COMMD1: variants seen among roughly 807,000 people sequenced by gnomAD.
COMMD1 encodes the protein COMM domain-containing protein 1.
COMMD1 carries 10 observed loss-of-function variants against 17.2 expected under a neutral mutation model. The ratio of observed to expected loss-of-function variants is 0.58; its 90% confidence interval spans 0.36 to 0.99. The LOEUF (loss-of-function observed/expected upper bound fraction) is 0.99, where lower values mean the gene tolerates loss of function less well. Among genes scored for constraint, COMMD1 ranks in the 50% least tolerant of loss-of-function variants. The pLI is 0.01. For synonymous variants in COMMD1, 97 were observed against 91.6 expected (o/e 1.06, Z -0.34); for missense variants, 270 against 231.8 (o/e 1.17, Z -1.07).
chr2:61,888,889 TC>T (rs1195944010), intron 1 of COMMD1: 76 of 172,192 alleles, frequency 4.4e-4, no homozygotes, highest in African/African-American at 1.9e-3. Context: ...GGCTATGAGG[TC>T]CCCTCCTTTT....
intron 2 of COMMD1, among the ~76,000 whole-genome samples, chr2:62,126,856 A>C (rs1480647797): frequency 6.6e-6 from 1 of 152,182 alleles, no homozygotes; most frequent in African/African-American, 2.4e-5. Context: ...CCTATTCAAC[A>C]TAGTATTGAA....
chr2:62,128,326 TAAAAAAAAGA>T (rs904057581), intron 2 of COMMD1, among the ~76,000 whole-genome samples: 2 of 112,364 alleles, frequency 1.8e-5, no homozygotes, highest in African/African-American at 6.4e-5. Flanking sequence ...AGACTCTGTC[TAAAAAAAAGA>T]AAAAAAAAAA....
At chr2:62,123,882 T>C (rs1356414564) in intron 2 of COMMD1, among the ~76,000 whole-genome samples, 2 of 151,948 alleles carry the variant, frequency 1.3e-5, no homozygotes, top group Non-Finnish European at 2.9e-5. Flanking sequence ...GTTTAAAACA[T>C]AACCTAGGCT....
At chr2:61,969,726 G>A (rs537225208) in intron 1 of COMMD1, among the ~76,000 whole-genome samples, 7 of 152,234 alleles carry the variant, frequency 4.6e-5, no homozygotes, top group South Asian at 4.2e-4. Context: ...ATAGCTTTCT[G>A]ATATTCTTAA....
intron 2 of COMMD1, among the ~76,000 whole-genome samples, chr2:62,054,911 C>G (rs1275569628): frequency 6.6e-6 from 1 of 152,168 alleles, no homozygotes; most frequent in Non-Finnish European, 1.5e-5. Context: ...CTATTGTGAA[C>G]TGTGCATGCA....
At chr2:62,068,540 G>A (rs139916642) in intron 2 of COMMD1, among the ~76,000 whole-genome samples, 2 of 151,064 alleles carry the variant, frequency 1.3e-5, no homozygotes, top group African/African-American at 4.9e-5. Flanking sequence ...TACAAGGATA[G>A]TAGTTACCTC....
At chr2:62,031,968 T>A (rs1410165986) in intron 2 of COMMD1, among the ~76,000 whole-genome samples, 1 of 152,234 alleles carries the variant, frequency 6.6e-6, no homozygotes, top group African/African-American at 2.4e-5. Context: ...AATGCTCTTT[T>A]CTGCTACATT....
chr2:61,930,573 AAAT>A (rs1670435947), intron 1 of COMMD1, among the ~76,000 whole-genome samples: 2 of 151,828 alleles, frequency 1.3e-5, no homozygotes, highest in African/African-American at 2.4e-5. Flanking sequence ...AAATAATAAA[AAAT>A]AATGAGACTT....
intron 2 of COMMD1, among the ~76,000 whole-genome samples, chr2:62,135,189 AG>A (rs1222508376): frequency 2.6e-5 from 4 of 152,186 alleles, no homozygotes; most frequent in Non-Finnish European, 5.9e-5. Context: ...TTTGTGCCTC[AG>A]GGTCCTCATT....
chr2:62,001,307 A>G (rs1228751575), intron 2 of COMMD1, among the ~76,000 whole-genome samples: 1 of 152,222 alleles, frequency 6.6e-6, no homozygotes, highest in Non-Finnish European at 1.5e-5. Context: ...AATGATAGAG[A>G]TAATAAATAA....
At position 62,006,214 on chromosome 2, in the gene COMMD1, G is replaced by A. The variant is rs1438718343; in HGVS notation, c.462+5232G>A. Among the ~76,000 whole-genome samples the A allele has an allele frequency of 1.1e-3, 115 of 106,028 alleles. 1 individual carries two copies. Among genetic ancestry groups the A allele is most frequent in the Non-Finnish European group, 1.5e-3 (83 of 54,022 alleles). 69.6% of individuals were successfully genotyped at this position (106,028 alleles called of 152,430 possible). A position where few individuals can be genotyped will look rare whatever the true frequency, so the allele number is the denominator to read the frequency against. ...CTGTTGTGGGGTGGGGGGAGGGGGGGAGGGATAGCATTAGGAGATATACCT... is the reference window on the plus strand; with the variant it reads ...CTGTTGTGGGGTGGGGGGAGGGGGGAAGGGATAGCATTAGGAGATATACCT... On this transcript the variant is annotated intron_variant, in intron 2 of 2. Coordinates refer to ENST00000311832, the MANE Select transcript of COMMD1 (RefSeq NM_152516.4).
chr2:62,050,560 A>G (rs1573117530), intron 2 of COMMD1, among the ~76,000 whole-genome samples: 1 of 152,186 alleles, frequency 6.6e-6, no homozygotes, highest in Non-Finnish European at 1.5e-5. Context: ...CTCTGCTACT[A>G]TGTTTTGTTA....
chr2:61,888,742 C>T (rs939402699), exon 1 of COMMD1: 33 of 537,656 alleles, frequency 6.1e-5, no homozygotes, highest in Middle Eastern at 9.7e-4. Context: ...CGGTGGGCTC[C>T]GGGCTGGCGA....
At chr2:62,102,749 G>T (rs1672221531) in intron 2 of COMMD1, among the ~76,000 whole-genome samples, 1 of 152,096 alleles carries the variant, frequency 6.6e-6, no homozygotes, top group Admixed American at 6.6e-5. Flanking sequence ...CTGCCTTTGT[G>T]TGTAAAAACT....
At chr2:62,128,793 A>T (rs1672951658) in intron 2 of COMMD1, among the ~76,000 whole-genome samples, 1 of 152,086 alleles carries the variant, frequency 6.6e-6, no homozygotes, top group South Asian at 2.1e-4. Context: ...TTTACTAAAA[A>T]TACAAAAAAT....
At chr2:61,912,802 T>C (rs1321460050) in intron 1 of COMMD1, among the ~76,000 whole-genome samples, 2 of 152,074 alleles carry the variant, frequency 1.3e-5, no homozygotes, top group Non-Finnish European at 2.9e-5. Context: ...TTGTCTGTAG[T>C]AGCTTTAGCC....
At chr2:61,987,389 G>C (rs893371482) in intron 1 of COMMD1, among the ~76,000 whole-genome samples, 1 of 152,160 alleles carries the variant, frequency 6.6e-6, no homozygotes, top group South Asian at 2.1e-4. Flanking sequence ...AGTTGTATCT[G>C]CATTAAAGGG....
At chr2:62,020,848 A>G (rs1669592958) in intron 2 of COMMD1, among the ~76,000 whole-genome samples, 3 of 152,062 alleles carry the variant, frequency 2.0e-5, no homozygotes. Flanking sequence ...AAAAATACAA[A>G]AAAAATTAGC....
At chr2:61,940,757 G>A (rs1034462305) in intron 1 of COMMD1, among the ~76,000 whole-genome samples, 5 of 150,890 alleles carry the variant, frequency 3.3e-5, no homozygotes, top group Non-Finnish European at 5.9e-5. Flanking sequence ...GAACTCCTCG[G>A]CTCACTGCAA....
Sources: allele counts gnomAD v4.1 joint callset (sites outside exome capture counted in the v4.1 genomes callset), GRCh38; gene constraint gnomAD v4.1.1; transcripts MANE v1.5; gene names NCBI Gene and HGNC (gene_info 2026-07-23, HGNC 2026-07-21).